Variants in KMT2C observed in about 807,000 individuals in gnomAD.
KMT2C encodes the protein lysine methyltransferase 2C, also known as histone-lysine N-methyltransferase 2C.
In KMT2C, 88 loss-of-function variants were observed where a neutral mutation model predicts 507.9. The ratio of observed to expected loss-of-function variants is 0.17; its 90% CI spans 0.15 to 0.21. The LOEUF (loss-of-function observed/expected upper bound fraction) is 0.21. Among genes scored for constraint, KMT2C ranks in the 10% least tolerant of loss-of-function variants. The pLI is 1.00. For synonymous variants in KMT2C, 2,049 were observed against 2,080.8 expected (o/e 0.98, Z 0.42); for missense variants, 4,954 against 5,957.8 (o/e 0.83, Z 5.55).
At chr7:152,255,118 T>TATATATATATATATATATACATAC (rs1563605471) in intron 9 of KMT2C, among the ~76,000 whole-genome samples, 1 of 97,748 alleles carries the variant, frequency 1.0e-5, no homozygotes, top group African/African-American at 7.3e-5. Flanking sequence ...CTTATATATA[T>TATATATATATATATATATACATAC]ATATATATAT....
At chr7:152,211,843 T>G (rs989005784) in intron 23 of KMT2C, among the ~76,000 whole-genome samples, 3 of 152,136 alleles carry the variant, frequency 2.0e-5, no homozygotes, top group Non-Finnish European at 1.5e-5. Flanking sequence ...GGTCAGGAGA[T>G]AGACACCATC....
At chr7:152,328,355 C>T (rs917430114) in intron 3 of KMT2C, among the ~76,000 whole-genome samples, 1 of 152,026 alleles carries the variant, frequency 6.6e-6, no homozygotes, top group South Asian at 2.1e-4. Context: ...TCAGAGGAGG[C>T]TAGTATTATC....
rs1473333064 is a variant in KMT2C, at chr7:152,176,959, T to G, written c.8494A>C (p.Lys2832Gln). Residue 2832 changes from lysine to glutamine, a missense_variant, in exon 38 of 59, where the codon AAG becomes CAG. By Grantham distance (53) the Lys-to-Gln change is moderately conservative. This residue lies in a region of KMT2C where 1,689 missense variants were observed against 1,654.3 expected (regional missense o/e 1.02). Coordinates refer to ENST00000262189, the MANE Select transcript of KMT2C (RefSeq NM_170606.3). ...TCAGTTTCACATTTGGATTCCACCT[T>G]AGAATTTGGAGACAGTACTTCCGTT... ...VKTEVLSPNSKVESKCETEKN... is the reference protein window; with the variant it reads ...VKTEVLSPNSQVESKCETEKN... 6.2e-7 allele frequency: 1 copy of G among 1,614,174 alleles called. No individual in the cohort carries two copies. The highest frequency in any genetic ancestry group is 1.7e-5 in the Admixed American group (1 of 60,028).
intron 6 of KMT2C, among the ~76,000 whole-genome samples, chr7:152,285,840 C>T (rs1044656167): frequency 2.6e-5 from 4 of 152,124 alleles, no homozygotes; most frequent in Admixed American, 2.0e-4. Flanking sequence ...CAAAAATTAG[C>T]TGGGTGTGGT....
rs1400836391 is a variant in KMT2C, at chr7:152,138,627, AG to A, written c.14643+168del. On this transcript the variant is annotated intron_variant, in intron 58 of 58. Transcript: ENST00000262189. The surrounding 1 kb of genome is among the most constrained non-coding windows in gnomAD (Gnocchi z 4.2). ...TGCCATGTGGAGGAAGGTGAACTGG[AG>A]TGCCTGAAGGGTGAGATACTGCAGG... The A allele has an allele frequency of 1.5e-5, 8 of 527,038 alleles. No individual in the cohort carries two copies. Among genetic ancestry groups the A allele is most frequent in the Admixed American group, 3.7e-5 (1 of 26,736 alleles). The allele number at this position is 527,038 out of a possible 1,614,324, so 32.6% of individuals were successfully genotyped here.
At chr7:152,284,737 G>GA (rs1261677759) in intron 6 of KMT2C, among the ~76,000 whole-genome samples, 2 of 151,766 alleles carry the variant, frequency 1.3e-5, no homozygotes, top group African/African-American at 2.4e-5. Context: ...AAATCAATTG[G>GA]AAAAAAATGG....
At chr7:152,140,182 T>G (rs1221626259) in intron 55 of KMT2C, among the ~76,000 whole-genome samples, 1 of 152,172 alleles carries the variant, frequency 6.6e-6, no homozygotes, top group Non-Finnish European at 1.5e-5. Flanking sequence ...CATAATAAAT[T>G]CAATAACATA....
At chr7:152,338,135 G>A (rs574280075) in intron 2 of KMT2C, among the ~76,000 whole-genome samples, 1 of 152,250 alleles carries the variant, frequency 6.6e-6, no homozygotes, top group African/African-American at 2.4e-5. Flanking sequence ...TGGGATTACA[G>A]GCATGAGCCA....
chr7:152,272,052 A>T (rs545399306), intron 7 of KMT2C, among the ~76,000 whole-genome samples: 3 of 152,164 alleles, frequency 2.0e-5, no homozygotes, highest in South Asian at 4.2e-4. Context: ...TCCATTGCCA[A>T]ATTTCCTTAC....
At chr7:152,376,247 C>T (rs1374370639) in intron 1 of KMT2C, among the ~76,000 whole-genome samples, 1 of 152,168 alleles carries the variant, frequency 6.6e-6, no homozygotes, top group African/African-American at 2.4e-5. Flanking sequence ...CCCGTTTCCC[C>T]AACACACAAC....
At chr7:152,312,044 T>C in intron 4 of KMT2C, 98 bp from the exon 5 acceptor site, 2 of 915,806 alleles carry the variant, frequency 2.2e-6, no homozygotes, top group Non-Finnish European at 3.2e-6. Flanking sequence ...TCAATTTTAA[T>C]TTATCAGCCA....
intron 24 of KMT2C, among the ~76,000 whole-genome samples, chr7:152,206,761 G>A (rs1027145858): frequency 3.9e-5 from 6 of 152,178 alleles, no homozygotes; most frequent in East Asian, 1.9e-4. Flanking sequence ...AAGCAAGACC[G>A]CTTTTCTCTC....
At position 152,311,908 on chromosome 7, in the gene KMT2C, C is replaced by T. The variant is rs548398268; in HGVS notation, c.629G>A (p.Ser210Asn). 2 of 1,610,106 alleles carry T rather than the reference C, an allele frequency of 1.2e-6. No homozygotes were observed. The highest frequency in any genetic ancestry group is 2.2e-5 in the East Asian group (1 of 44,824). ...SPQQNIVSCV[S>N]VSTQTASDDQ... is the part of the protein sequence containing the mutation. ...ATCTGAAGCTGTCTGGGTGCTTACA[C>T]TTACACAAGATACTATATTCTGCTG... Residue 210 changes from serine to asparagine, a missense_variant, in exon 5 of 59, where the codon AGT (serine) becomes AAT (asparagine). Transcript: ENST00000262189.
At chr7:152,410,109 G>A (rs1388908490) in intron 1 of KMT2C, among the ~76,000 whole-genome samples, 1 of 152,100 alleles carries the variant, frequency 6.6e-6, no homozygotes, top group Non-Finnish European at 1.5e-5. Flanking sequence ...ACCTAGTTCT[G>A]ATTTCATTAT....
chr7:152,219,158 A>G (rs924682374), intron 23 of KMT2C, among the ~76,000 whole-genome samples: 5 of 151,860 alleles, frequency 3.3e-5, no homozygotes, highest in African/African-American at 1.2e-4. Flanking sequence ...TTAGCAGAGA[A>G]TGGGTTTCAC....
intron 52 of KMT2C, 61 bp downstream of exon 52, chr7:152,147,970 TAC>T: frequency 1.4e-6 from 2 of 1,460,970 alleles, no homozygotes; most frequent in East Asian, 4.7e-5. Flanking sequence ...ATTGACAAAA[TAC>T]ATTCATTAGC....
In KMT2C at chr7:152,149,005, C is replaced by T. The variant is rs756354376; in HGVS notation, c.12922G>A (p.Ala4308Thr). ...KASPPASPPI[A>T]FPPAFEAAQV... ...GCTGCTTCAAAAGCAGGAGGGAAGG[C>T]GATGGGTGGTGAGGCAGGGGGAGAA... Residue 4308 changes from alanine (A) to threonine (T), a missense_variant, in exon 52 of 59, where the codon GCC becomes ACC. Ala to Thr is a moderately conservative substitution (Grantham distance 58, BLOSUM62 0). Coordinates refer to ENST00000262189, the MANE Select transcript of KMT2C (RefSeq NM_170606.3). The T allele has an allele frequency of 1.7e-5, 27 of 1,561,186 alleles. No individual in the cohort carries two copies. Among genetic ancestry groups the T allele is most frequent in the Middle Eastern group, 3.5e-4 (2 of 5,778 alleles).
intron 13 of KMT2C, 85 bp downstream of exon 13, chr7:152,249,791 C>T (rs1219314706): frequency 1.5e-5 from 9 of 584,628 alleles, no homozygotes; most frequent in Non-Finnish European, 2.8e-5. Context: ...AATGTATATA[C>T]ATACAGCAAT....
At chr7:152,163,893 G>T in intron 42 of KMT2C, 67 bp from the exon 43 acceptor site, 2 of 1,473,542 alleles carry the variant, frequency 1.4e-6, no homozygotes, top group South Asian at 1.2e-5. Context: ...AACACTGGCT[G>T]ATGACTGTGG....
Sources: allele counts gnomAD v4.1 joint callset (sites outside exome capture counted in the v4.1 genomes callset), GRCh38; gene constraint gnomAD v4.1.1; regional missense constraint gnomAD v4.1.1; non-coding constraint Gnocchi (gnomAD v3.1); transcripts MANE v1.5; gene names NCBI Gene and HGNC (gene_info 2026-07-23, HGNC 2026-07-21).